The following C10orf90 variants were observed in gnomAD, a reference collection of about 807,000 sequenced individuals.
C10orf90 encodes chromosome 10 open reading frame 90, also known as (E2-independent) E3 ubiquitin-conjugating enzyme FATS.
In C10orf90, 56 loss-of-function variants were observed where a neutral mutation model predicts 62.5. The ratio of observed to expected loss-of-function variants is 0.90; its 90% CI spans 0.72 to 1.12. C10orf90 has a LOEUF of 1.12. Ranked by LOEUF, C10orf90 falls within the 50% of genes most tolerant of loss-of-function variation. The probability of loss-of-function intolerance (pLI) is 0.00; values close to 1 mark genes in which losing one functional copy is unlikely to be tolerated. For synonymous variants in C10orf90, 386 were observed against 340.4 expected, an observed-to-expected ratio of 1.13 and a Z score of -1.47; for missense variants, 970 against 880.4, an observed-to-expected ratio of 1.10 and a Z score of -1.29.
Position 126,493,163 on chromosome 10 carries a change from GAA to G in C10orf90, c.1534+10792_1534+10793del, listed in dbSNP as rs35431467. On this transcript the variant is annotated intron_variant, in intron 4 of 9. Transcript: ENST00000488181. ...TTTTGCATAATCCCTCTTTTTTGTT[GAA>G]AAAAAAAAAAAGGAAATGAAACAAA... Among the ~76,000 whole-genome samples the G allele has an allele frequency of 3.8e-3, 517 of 136,914 alleles. 4 individuals carry two copies. The highest frequency in any genetic ancestry group is 0.012 in the African/African-American group (426 of 36,862). The allele number at this position is 136,914 out of a possible 152,430, so 89.8% of individuals were successfully genotyped here.
intron 7 of C10orf90, among the ~76,000 whole-genome samples, chr10:126,455,336 G>A (rs1859477010): frequency 6.6e-6 from 1 of 152,054 alleles, no homozygotes; most frequent in Non-Finnish European, 1.5e-5. Context: ...CTGCCCTATT[G>A]GCATGGTTCT....
chr10:126,515,963 G>A (rs1863417734), intron 2 of C10orf90, among the ~76,000 whole-genome samples: 1 of 152,200 alleles, frequency 6.6e-6, no homozygotes, highest in Non-Finnish European at 1.5e-5. Context: ...TATAAGGGCT[G>A]AAAGGTCTTT....
intron 2 of C10orf90, among the ~76,000 whole-genome samples, chr10:126,616,158 TGA>T (rs1845536847): frequency 6.8e-6 from 1 of 146,220 alleles, no homozygotes; most frequent in African/African-American, 2.4e-5. Context: ...TCCGAGAGTG[TGA>T]GTCTTTTATC....
At chr10:126,610,954 A>G (rs556195218) in intron 2 of C10orf90, among the ~76,000 whole-genome samples, 2 of 152,018 alleles carry the variant, frequency 1.3e-5, no homozygotes, top group African/African-American at 2.4e-5. Flanking sequence ...TTTGTCTTTT[A>G]TTTATGTTTT....
rs1418456209 is a variant in C10orf90 at position 126,652,834 on chromosome 10, ATT to A, written c.241-6199_241-6198del. On this transcript the variant is annotated intron_variant, in intron 1 of 9. Coordinates refer to ENST00000488181, the MANE Select transcript of C10orf90 (RefSeq NM_001350921.2). ...TTAAGTATTCCTTTCAGCATGTTCT[ATT>A]ATGTTTCTTATCATTTGTAACATTT... is the stretch of plus-strand genomic sequence containing the variant. Among the ~76,000 whole-genome samples the A allele has an allele frequency of 7.2e-5, 11 of 152,312 alleles. No homozygotes were observed. In the South Asian group the frequency reaches 2.1e-3, roughly 29 times the overall value.
chr10:126,432,941 GT>G (rs1857677344), intron 7 of C10orf90, among the ~76,000 whole-genome samples: 1 of 152,260 alleles, frequency 6.6e-6, no homozygotes, highest in African/African-American at 2.4e-5. Flanking sequence ...GCCATGTGGA[GT>G]TTTAAACATG....
At chr10:126,434,861 CTAAT>C (rs1857819006) in intron 7 of C10orf90, among the ~76,000 whole-genome samples, 1 of 152,128 alleles carries the variant, frequency 6.6e-6, no homozygotes, top group Non-Finnish European at 1.5e-5. Flanking sequence ...GGTGGACCCT[CTAAT>C]TTTCTTGATG....
intron 2 of C10orf90, chr10:126,520,029 A>C (rs1863653304): frequency 6.6e-6 from 1 of 152,280 alleles, no homozygotes; most frequent in Non-Finnish European, 1.5e-5. Flanking sequence ...TGGTTGAGCA[A>C]AAACCAAACG....
chr10:126,614,967 T>C (rs1845510981), intron 2 of C10orf90, among the ~76,000 whole-genome samples: 1 of 152,202 alleles, frequency 6.6e-6, no homozygotes, highest in Non-Finnish European at 1.5e-5. Context: ...CATCATTTTG[T>C]ACGTTAGCTG....
chr10:126,483,188 A>T (rs1294427612), intron 4 of C10orf90, among the ~76,000 whole-genome samples: 3 of 152,244 alleles, frequency 2.0e-5, no homozygotes, highest in Non-Finnish European at 4.4e-5. Flanking sequence ...GCAGGAACAG[A>T]AAAGGACTTG....
chr10:126,600,475 G>A (rs777234511), intron 2 of C10orf90, among the ~76,000 whole-genome samples: 48 of 152,240 alleles, frequency 3.2e-4, no homozygotes, highest in Admixed American at 1.2e-3. Context: ...CCTCATGGGC[G>A]CACACATGAC....
chr10:126,649,028 G>C (rs4996649), intron 1 of C10orf90, among the ~76,000 whole-genome samples: 1,113 of 102,426 alleles, frequency 0.011, 8 homozygotes, highest in South Asian at 0.016. Flanking sequence ...CTCTCTCTCT[G>C]TCTCTGTCTC....
At position 126,460,079 on chromosome 10, in the gene C10orf90, G is replaced by A. The variant is rs370107431; in HGVS notation, c.2011-862C>T. ...ATTCTTTTCCTGCACTGCCTTTTAT[G>A]GTCTTAACTTCCTATTCCTTGAGTG... On this transcript the variant is annotated intron_variant, in intron 6 of 9. Coordinates refer to ENST00000488181, the MANE Select transcript of C10orf90 (RefSeq NM_001350921.2). 4.4e-4 allele frequency among the ~76,000 whole-genome samples: 67 copies of A among 152,294 alleles called. 3 individuals are homozygous for A. In the South Asian group the frequency reaches 0.014, roughly 31 times the overall value.
At position 126,504,836 on chromosome 10, in the gene C10orf90, G is replaced by C. The variant is rs747840698; in HGVS notation, c.655C>G (p.Leu219Val). The C allele has an allele frequency of 5.0e-6, 8 of 1,605,782 alleles. No homozygotes were observed. In the African/African-American group the frequency reaches 1.1e-4, roughly 21 times the overall value. ...PSDERGPEAELPPKEERPCGG... is the reference protein window; with the variant it reads ...PSDERGPEAEVPPKEERPCGG... ...CAGGGTCTCTCCTCTTTGGGCGGCA[G>C]CTCTGCCTCAGGTCCTCGCTCATCT... Residue 219 changes from leucine to valine, a missense_variant, in exon 4 of 10, where the codon CTG (leucine) becomes GTG (valine). Leu to Val is a conservative substitution (Grantham distance 32, BLOSUM62 1). Coordinates refer to ENST00000488181, the MANE Select transcript of C10orf90 (RefSeq NM_001350921.2). The surrounding 1 kb of genome is among the most constrained non-coding windows in gnomAD (Gnocchi z 4.1).
intron 4 of C10orf90, among the ~76,000 whole-genome samples, chr10:126,467,300 G>A (rs1860345294): frequency 6.6e-6 from 1 of 152,216 alleles, no homozygotes; most frequent in Non-Finnish European, 1.5e-5. Context: ...GGACTTTTCT[G>A]ACTACTGATT....
chr10:126,591,237 C>T (rs988276196), intron 2 of C10orf90, among the ~76,000 whole-genome samples: 3 of 152,008 alleles, frequency 2.0e-5, no homozygotes, highest in African/African-American at 7.2e-5. Context: ...GGCAGAGATA[C>T]AACAAAAAAA....
chr10:126,530,043 T>C (rs1864051463), intron 2 of C10orf90, among the ~76,000 whole-genome samples: 1 of 152,188 alleles, frequency 6.6e-6, no homozygotes, highest in African/African-American at 2.4e-5. Flanking sequence ...AAAAAACCTC[T>C]TGTACATTTG....
At chr10:126,668,517 G>A (rs1846679683) in intron 1 of C10orf90, among the ~76,000 whole-genome samples, 1 of 152,164 alleles carries the variant, frequency 6.6e-6, no homozygotes, top group South Asian at 2.1e-4. Context: ...GTCATGGTAG[G>A]AATAACATGA....
intron 4 of C10orf90, among the ~76,000 whole-genome samples, chr10:126,473,321 A>G (rs1415097695): frequency 6.6e-6 from 1 of 152,196 alleles, no homozygotes; most frequent in Non-Finnish European, 1.5e-5. Context: ...TGGTTGCCTA[A>G]CCAATATCCA....
Sources: allele counts gnomAD v4.1 joint callset (sites outside exome capture counted in the v4.1 genomes callset), GRCh38; gene constraint gnomAD v4.1.1; non-coding constraint Gnocchi (gnomAD v3.1); transcripts MANE v1.5; gene names NCBI Gene and HGNC (gene_info 2026-07-23, HGNC 2026-07-21).